DOCK5: variants seen among roughly 807,000 people sequenced by gnomAD.
DOCK5 encodes dedicator of cytokinesis 5.
DOCK5 carries 142 observed loss-of-function variants against 251.8 expected under a neutral mutation model. The observed-to-expected ratio is 0.56, with a 90% CI of 0.49 to 0.65. The LOEUF (loss-of-function observed/expected upper bound fraction) is 0.65. Among genes scored for constraint, DOCK5 ranks in the 30% least tolerant of loss-of-function variants. The pLI is 0.00. For missense variants in DOCK5, 2,111 were observed against 2,312.3 expected, an observed-to-expected ratio of 0.91 and a Z score of 1.79; for synonymous variants, 842 against 835.5, an observed-to-expected ratio of 1.01 and a Z score of -0.13.
At chr8:25,308,506 C>A (rs1260004052) in intron 11 of DOCK5, among the ~76,000 whole-genome samples, 2 of 152,126 alleles carry the variant, frequency 1.3e-5, no homozygotes, top group African/African-American at 4.8e-5. Context: ...TCTGAAAGAG[C>A]ATGGAGTGTT....
intron 1 of DOCK5, among the ~76,000 whole-genome samples, chr8:25,210,088 C>T (rs1311335194): frequency 0.031 from 654 of 21,412 alleles, 202 homozygotes; most frequent in Middle Eastern, 0.11. Flanking sequence ...ATTTATCTAT[C>T]TATCTATCTA....
intron 1 of DOCK5, among the ~76,000 whole-genome samples, chr8:25,240,335 C>G (rs574716407): frequency 4.0e-5 from 6 of 151,410 alleles, no homozygotes; most frequent in African/African-American, 1.5e-4. Context: ...AAAATCCACC[C>G]GTTTTAAGCA....
intron 2 of DOCK5, among the ~76,000 whole-genome samples, chr8:25,254,807 A>AAAAAAT (rs1803376813): frequency 7.3e-6 from 1 of 137,816 alleles, no homozygotes; most frequent in Non-Finnish European, 1.6e-5. Context: ...AAAAAAAAAC[A>AAAAAAT]TTTGATAAAG....
At chr8:25,410,342 A>G (rs1801600055) in intron 51 of DOCK5, 140 bp downstream of exon 51, 6 of 690,654 alleles carry the variant, frequency 8.7e-6, no homozygotes, top group East Asian at 2.7e-5. Flanking sequence ...TCCTGAAACC[A>G]CAGGAGATAG....
At chr8:25,401,347 T>TC (rs1801435230) in intron 47 of DOCK5, among the ~76,000 whole-genome samples, 1 of 152,128 alleles carries the variant, frequency 6.6e-6, no homozygotes, top group Admixed American at 6.5e-5. Context: ...ATTCCATAGA[T>TC]CTGGGGGTGG....
chr8:25,372,479 A>G, intron 34 of DOCK5, 80 bp from the exon 35 acceptor site: 1 of 1,418,362 alleles, frequency 7.1e-7, no homozygotes, highest in Non-Finnish European at 9.3e-7. Flanking sequence ...GCCACTGCTG[A>G]GACCCTGGTC....
intron 3 of DOCK5, among the ~76,000 whole-genome samples, chr8:25,269,738 A>G (rs1803856599): frequency 6.6e-6 from 1 of 152,246 alleles, no homozygotes; most frequent in Non-Finnish European, 1.5e-5. Context: ...CTTTCTTTTG[A>G]AAGAGCAGAG....
In DOCK5 at chr8:25,413,678, C is replaced by T. The variant is rs949787617; in HGVS notation, c.*2380C>T. The T allele has an allele frequency of 6.6e-6, 1 of 152,204 alleles. No individual in the cohort carries two copies. The highest frequency in any genetic ancestry group is 2.4e-5 in the African/African-American group (1 of 41,458). 9.4% of individuals were successfully genotyped at this position (152,204 alleles called of 1,614,324 possible). A position where few individuals can be genotyped will look rare whatever the true frequency, so the allele number is the denominator to read the frequency against. On this transcript the variant is annotated 3_prime_UTR_variant, in exon 52 of 52. Transcript: ENST00000276440. ...CCACAGCCTGGTCTTTGAGCAGAGGCTGGGAAGATAGGATACATCACTGTC... is the reference window on the plus strand; with the variant it reads ...CCACAGCCTGGTCTTTGAGCAGAGGTTGGGAAGATAGGATACATCACTGTC...
intron 18 of DOCK5, among the ~76,000 whole-genome samples, chr8:25,326,504 G>A (rs1008943565): frequency 5.3e-5 from 8 of 152,142 alleles, no homozygotes; most frequent in African/African-American, 4.8e-5. Flanking sequence ...GGGCTAATCC[G>A]TATGTGCAAG....
At chr8:25,334,941 A>C (rs943719477) in intron 21 of DOCK5, among the ~76,000 whole-genome samples, 3 of 152,214 alleles carry the variant, frequency 2.0e-5, no homozygotes, top group African/African-American at 7.2e-5. Flanking sequence ...CATCTTTTGC[A>C]TAAGAGGCAG....
At chr8:25,352,220 GAAAA>G (rs796559970) in intron 27 of DOCK5, among the ~76,000 whole-genome samples, 2 of 15,770 alleles carry the variant, frequency 1.3e-4, no homozygotes, top group Non-Finnish European at 1.3e-4. Flanking sequence ...CTTTGAAAAA[GAAAA>G]AAAAAAAAAA....
intron 2 of DOCK5, among the ~76,000 whole-genome samples, chr8:25,248,411 C>T (rs113798882): frequency 0.01 from 1,539 of 152,208 alleles, 30 homozygotes; most frequent in African/African-American, 0.035. Flanking sequence ...ATGAAAACAC[C>T]GACAGTCCTG....
chr8:25,415,478 C>T lies in DOCK5; in HGVS notation c.*4180C>T, dbSNP rs1323063112. Reference sequence around the variant, plus strand: ...AAGGAAATTCATGATTTCACTCTGACGCCTAGGATCTAGCCAAGGCTGGTC... The same window carrying T: ...AAGGAAATTCATGATTTCACTCTGATGCCTAGGATCTAGCCAAGGCTGGTC... On this transcript the variant is annotated 3_prime_UTR_variant, in exon 52 of 52. Transcript: ENST00000276440. The T allele has an allele frequency of 3.3e-5, 5 of 152,160 alleles. No individual in the cohort carries two copies. The highest frequency in any genetic ancestry group is 7.2e-5 in the African/African-American group (3 of 41,440). The allele number at this position is 152,160 out of a possible 1,614,324, so 9.4% of individuals were successfully genotyped here.
At chr8:25,249,181 A>G (rs1283963105) in intron 2 of DOCK5, among the ~76,000 whole-genome samples, 2 of 151,908 alleles carry the variant, frequency 1.3e-5, no homozygotes, top group Non-Finnish European at 2.9e-5. Flanking sequence ...TTAATTTTTT[A>G]GGAGAGGTGA....
intron 40 of DOCK5, among the ~76,000 whole-genome samples, 164 bp downstream of exon 40, chr8:25,382,942 C>T (rs1801095671): frequency 7.1e-6 from 1 of 141,782 alleles, no homozygotes; most frequent in Non-Finnish European, 1.6e-5. Flanking sequence ...TCACCCCACA[C>T]CCCCGGACAC....
Position 25,304,336 on chromosome 8 carries a change from T to G in DOCK5, c.1049+9T>G, listed in dbSNP as rs1053156251. 1 of 1,602,926 alleles carries G rather than the reference T, an allele frequency of 6.2e-7. No homozygotes were observed. ...TTTATTCCCTTTCAGCAGTAAGTAC[T>G]TTGGCATGTGTCCCAGGTGACTTGA... On this transcript the variant is annotated intron_variant, in intron 11 of 51. Transcript: ENST00000276440.
chr8:25,260,425 G>T (rs936728481), intron 2 of DOCK5, among the ~76,000 whole-genome samples: 6 of 150,268 alleles, frequency 4.0e-5, no homozygotes, highest in African/African-American at 1.5e-4. Flanking sequence ...ATGTGTGTAC[G>T]TGGGGTAAAA....
intron 47 of DOCK5, among the ~76,000 whole-genome samples, chr8:25,402,658 G>A (rs1250001494): frequency 6.6e-6 from 1 of 151,288 alleles, no homozygotes; most frequent in Non-Finnish European, 1.5e-5. Flanking sequence ...TGCCCAGGCT[G>A]GCCTCCAACT....
At chr8:25,279,703 C>T (rs192959923) in intron 5 of DOCK5, among the ~76,000 whole-genome samples, 48 of 152,200 alleles carry the variant, frequency 3.2e-4, no homozygotes, top group Non-Finnish European at 5.6e-4. Flanking sequence ...CTGCAACCTC[C>T]GCCTCCCAAG....
Sources: allele counts gnomAD v4.1 joint callset (sites outside exome capture counted in the v4.1 genomes callset), GRCh38; gene constraint gnomAD v4.1.1; transcripts MANE v1.5; gene names NCBI Gene and HGNC (gene_info 2026-07-23, HGNC 2026-07-21).